MAN1C1: variants seen among roughly 807,000 people sequenced by gnomAD.
The protein encoded by MAN1C1 is mannosyl-oligosaccharide 1,2-alpha-mannosidase IC.
Under a neutral mutation model 71.5 loss-of-function variants are expected in MAN1C1, and 49 were observed. That is an observed-to-expected ratio of 0.69 (90% CI 0.54 to 0.87). The LOEUF (loss-of-function observed/expected upper bound fraction) is 0.87, where lower values mean the gene tolerates loss of function less well. Ranked by LOEUF, MAN1C1 falls within the 40% of genes least tolerant of loss-of-function variation. MAN1C1 has a pLI of 0.00. For synonymous variants in MAN1C1, 352 were observed against 343.7 expected (o/e 1.02, Z -0.27); for missense variants, 743 against 835.0 (o/e 0.89, Z 1.36).
chr1:25,630,639 AAGTTTTTTATTTTATTT>A (rs1322601617), intron 1 of MAN1C1, among the ~76,000 whole-genome samples: 1 of 152,066 alleles, frequency 6.6e-6, no homozygotes, highest in Admixed American at 6.6e-5. Flanking sequence ...GTATATTCCT[AAGTTTTTTATTTTATTT>A]TATTTTTGCA....
intron 2 of MAN1C1, among the ~76,000 whole-genome samples, chr1:25,706,673 G>A (rs1435851507): frequency 6.6e-6 from 1 of 152,360 alleles, no homozygotes; most frequent in African/African-American, 2.4e-5. Flanking sequence ...TTTACTTGGT[G>A]AGAATGCCCC....
chr1:25,636,511 A>G (rs2045463218), intron 1 of MAN1C1, among the ~76,000 whole-genome samples: 1 of 152,202 alleles, frequency 6.6e-6, no homozygotes, highest in Non-Finnish European at 1.5e-5. Context: ...AAGAAGAAAA[A>G]TATGGCTCTA....
intron 1 of MAN1C1, among the ~76,000 whole-genome samples, chr1:25,685,584 G>A (rs2046218651): frequency 6.6e-6 from 1 of 152,220 alleles, no homozygotes; most frequent in South Asian, 2.1e-4. Context: ...GGGGAGCAAG[G>A]TGCTGGCGTG....
chr1:25,771,553 C>T lies in MAN1C1; in HGVS notation c.1142-104C>T, dbSNP rs573591422. 93 of 805,768 alleles carry T rather than the reference C, an allele frequency of 1.2e-4. No homozygotes were observed. The African/African-American group carries it at 1.2e-3, about 10-fold the overall frequency. 49.9% of individuals were successfully genotyped at this position (805,768 alleles called of 1,614,324 possible). A position where few individuals can be genotyped will look rare whatever the true frequency, so the allele number is the denominator to read the frequency against. On this transcript the variant is annotated intron_variant, in intron 7 of 11. Coordinates refer to ENST00000374332, the MANE Select transcript of MAN1C1 (RefSeq NM_020379.4). Reference sequence around the variant, plus strand: ...GCTGGCGAGATGCCCGCTTCCTACCCGTACAGGCACCGGGCCCCTGAGGTC... The same window carrying T: ...GCTGGCGAGATGCCCGCTTCCTACCTGTACAGGCACCGGGCCCCTGAGGTC...
At chr1:25,633,497 G>C (rs2045413569) in intron 1 of MAN1C1, among the ~76,000 whole-genome samples, 1 of 149,430 alleles carries the variant, frequency 6.7e-6, no homozygotes, top group Middle Eastern at 3.5e-3. Context: ...GTTCTTGTTG[G>C]ATTGATCCTT....
At chr1:25,655,061 C>T (rs1385285590) in intron 1 of MAN1C1, among the ~76,000 whole-genome samples, 1 of 152,132 alleles carries the variant, frequency 6.6e-6, no homozygotes, top group Non-Finnish European at 1.5e-5. Context: ...TGAAACAAAC[C>T]ATCATGTGTG....
chr1:25,652,291 C>T (rs2045703428), intron 1 of MAN1C1, among the ~76,000 whole-genome samples: 1 of 152,230 alleles, frequency 6.6e-6, no homozygotes, highest in South Asian at 2.1e-4. Context: ...CAGCTGCTGC[C>T]TTCTTGGTTG....
chr1:25,758,449 A>T (rs946580015), intron 5 of MAN1C1, 143 bp from the exon 6 acceptor site: 1 of 677,694 alleles, frequency 1.5e-6, no homozygotes, highest in Non-Finnish European at 2.6e-6. Context: ...GCCAGGGAGG[A>T]TTCACTGAAA....
intron 2 of MAN1C1, among the ~76,000 whole-genome samples, chr1:25,742,241 G>T (rs1409047353): frequency 6.6e-6 from 1 of 152,166 alleles, no homozygotes; most frequent in Non-Finnish European, 1.5e-5. Flanking sequence ...TTCCTACATG[G>T]GTACTGAGGA....
intron 2 of MAN1C1, among the ~76,000 whole-genome samples, chr1:25,689,161 G>A (rs1347173588): frequency 1.3e-5 from 2 of 152,070 alleles, no homozygotes; most frequent in Non-Finnish European, 2.9e-5. Flanking sequence ...AGGGATAAAT[G>A]GGACAGCGAA....
chr1:25,663,200 G>A (rs934325191), intron 1 of MAN1C1, among the ~76,000 whole-genome samples: 11 of 145,886 alleles, frequency 7.5e-5, no homozygotes, highest in South Asian at 2.2e-4. Context: ...TATAAAATAC[G>A]TATATTTAAA....
intron 2 of MAN1C1, among the ~76,000 whole-genome samples, chr1:25,739,166 T>C (rs2047022976): frequency 6.6e-6 from 1 of 152,156 alleles, no homozygotes; most frequent in Non-Finnish European, 1.5e-5. Context: ...CCTCATCCTT[T>C]CTGCTTCATT....
intron 1 of MAN1C1, among the ~76,000 whole-genome samples, chr1:25,628,236 C>T (rs1280991822): frequency 6.6e-6 from 1 of 151,558 alleles, no homozygotes; most frequent in Non-Finnish European, 1.5e-5. Context: ...TTAACTATCT[C>T]TATTTTACTT....
At chr1:25,663,680 G>A (rs1360938923) in intron 1 of MAN1C1, among the ~76,000 whole-genome samples, 5 of 152,158 alleles carry the variant, frequency 3.3e-5, no homozygotes, top group African/African-American at 9.7e-5. Flanking sequence ...GACGAATGGG[G>A]AGATGGGTAT....
chr1:25,727,259 A>G (rs2046844684), intron 2 of MAN1C1, among the ~76,000 whole-genome samples: 1 of 152,192 alleles, frequency 6.6e-6, no homozygotes, highest in South Asian at 2.1e-4. Flanking sequence ...ATAAGGAACA[A>G]ACAGACTAAG....
At chr1:25,703,235 G>A (rs2046470646) in intron 2 of MAN1C1, among the ~76,000 whole-genome samples, 1 of 152,214 alleles carries the variant, frequency 6.6e-6, no homozygotes, top group Admixed American at 6.5e-5. Flanking sequence ...CCTCTCTGTG[G>A]GTGCTGAGGC....
chr1:25,638,204 TTTAAG>T (rs2045490496), intron 1 of MAN1C1, among the ~76,000 whole-genome samples: 2 of 152,278 alleles, frequency 1.3e-5, no homozygotes, highest in Middle Eastern at 3.4e-3. Flanking sequence ...AGAAACATAC[TTTAAG>T]TTATTGTTTT....
In MAN1C1 at chr1:25,681,236, A is replaced by G. The variant is rs566690155; in HGVS notation, c.541-5204A>G. Among the ~76,000 whole-genome samples the G allele has an allele frequency of 2.1e-3, 321 of 151,968 alleles. 2 individuals are homozygous for G. Among genetic ancestry groups the G allele is most frequent in the African/African-American group, 6.7e-3 (280 of 41,498 alleles). ...AGCAATACTCCGTCTCAAAAAAAAA[A>G]AAAAGAAAAGAAAAGAAAAAGTAAA... On this transcript the variant is annotated intron_variant, in intron 1 of 11. Transcript: ENST00000374332.
At chr1:25,701,916 C>A (rs562554446) in intron 2 of MAN1C1, among the ~76,000 whole-genome samples, 2 of 152,092 alleles carry the variant, frequency 1.3e-5, no homozygotes, top group East Asian at 3.9e-4. Context: ...AAAAATCAGC[C>A]GGGCGTGGTG....
Sources: allele counts gnomAD v4.1 joint callset (sites outside exome capture counted in the v4.1 genomes callset), GRCh38; gene constraint gnomAD v4.1.1; transcripts MANE v1.5; gene names NCBI Gene and HGNC (gene_info 2026-07-23, HGNC 2026-07-21).